Variants in GC observed in about 807,000 individuals in gnomAD.
The protein encoded by GC is GC vitamin D binding protein.
A neutral mutation model predicts 56.7 loss-of-function variants in GC; 43 were observed. That is an observed-to-expected ratio of 0.76 (90% CI 0.59 to 0.98). The LOEUF is 0.98. Ranked by LOEUF, GC falls within the 50% of genes least tolerant of loss-of-function variation. The probability of loss-of-function intolerance (pLI) is 0.00; values close to 1 mark genes in which losing one functional copy is unlikely to be tolerated. For missense variants in GC, 529 were observed against 545.9 expected (o/e 0.97, Z 0.31); for synonymous variants, 216 against 202.7 (o/e 1.07, Z -0.56).
chr4:71,766,985 G>T (rs1742177450), intron 3 of GC, among the ~76,000 whole-genome samples: 1 of 152,146 alleles, frequency 6.6e-6, no homozygotes, highest in Non-Finnish European at 1.5e-5. Context: ...ATCAAGGGAT[G>T]TATTAGCAAA....
At chr4:71,743,042 A>G (rs1322903022) in intron 12 of GC, among the ~76,000 whole-genome samples, 1 of 152,176 alleles carries the variant, frequency 6.6e-6, no homozygotes. Context: ...TGTGGCCACA[A>G]TCAATTTGGA....
chr4:71,769,766 C>A lies in GC; in HGVS notation c.59-366G>T, dbSNP rs531578819. 1.4e-4 allele frequency among the ~76,000 whole-genome samples: 21 copies of A among 152,234 alleles called. No homozygotes were observed. The East Asian group carries it at 2.1e-3, about 15-fold the overall frequency. On this transcript the variant is annotated intron_variant, in intron 1 of 12. Transcript: ENST00000273951. The stretch of plus-strand genomic sequence containing the variant: ...ATTTTTCTCCTTCCCTCCCTCCTTC[C>A]CACCCTGCTTCCTCCCTTCCTTCTT...
rs1445015114 is a variant in GC at position 71,784,036 on chromosome 4, T to C, written c.-18A>G. On this transcript the variant is annotated 5_prime_UTR_variant, in exon 1 of 13. Coordinates refer to ENST00000273951, the MANE Select transcript of GC (RefSeq NM_000583.4). Reference sequence around the variant, plus strand: ...CTCTTCATTTTTCTACCAGAGAGTCTTGCAGCACCTCCTCTCTCCTGTAGG... The same window carrying C: ...CTCTTCATTTTTCTACCAGAGAGTCCTGCAGCACCTCCTCTCTCCTGTAGG... The C allele has an allele frequency of 1.9e-6, 3 of 1,601,672 alleles. No homozygotes were observed.
intron 6 of GC, among the ~76,000 whole-genome samples, chr4:71,760,391 G>A (rs984275317): frequency 1.3e-5 from 2 of 151,910 alleles, no homozygotes; most frequent in Non-Finnish European, 2.9e-5. Flanking sequence ...AGCTTATTAT[G>A]CATTGCTGGC....
intron 5 of GC, 130 bp from the exon 6 acceptor site, chr4:71,763,632 T>G: frequency 1.3e-6 from 1 of 747,084 alleles, no homozygotes; most frequent in Non-Finnish European, 2.3e-6. Flanking sequence ...TGAAAGGAAC[T>G]TATTGATATT....
chr4:71,763,552 A>T lies in GC; in HGVS notation c.607-50T>A, dbSNP rs779372783. 4 of 1,136,912 alleles carry T rather than the reference A, an allele frequency of 3.5e-6. No homozygotes were observed. In the South Asian group the frequency reaches 4.0e-5, roughly 11 times the overall value. 70.4% of individuals were successfully genotyped at this position (1,136,912 alleles called of 1,614,324 possible). ...ATTATATGGTCAAGACTCATTGAAT[A>T]CTGTATAAATGGCAAAAATAGGGAC... On this transcript the variant is annotated intron_variant, in intron 5 of 12. Coordinates refer to ENST00000273951, the MANE Select transcript of GC (RefSeq NM_000583.4).
chr4:71,769,462 T>G, intron 1 of GC, 62 bp from the exon 2 acceptor site: 1 of 1,078,208 alleles, frequency 9.3e-7, no homozygotes, highest in Non-Finnish European at 1.4e-6. Flanking sequence ...ATGTTACATG[T>G]ACATGTATAA....
chr4:71,752,203 C>CTGT (rs1287064634), intron 11 of GC, among the ~76,000 whole-genome samples: 1 of 152,056 alleles, frequency 6.6e-6, no homozygotes, highest in East Asian at 1.9e-4. Flanking sequence ...TTTAAATAGG[C>CTGT]TGTTACTAGG....
upstream of GC, among the ~76,000 whole-genome samples, chr4:71,788,431 T>C (rs1378821893): frequency 3.3e-5 from 5 of 151,734 alleles, no homozygotes; most frequent in Non-Finnish European, 7.4e-5. Context: ...AAATAAAAAT[T>C]TGAGGAACAA....
chr4:71,792,448 T>C (rs1468793333), intron 1 of GC, among the ~76,000 whole-genome samples: 1 of 152,000 alleles, frequency 6.6e-6, no homozygotes, highest in Non-Finnish European at 1.5e-5. Flanking sequence ...GTTGACTGCA[T>C]GAATGTCTTC....
rs982876895 is a variant in GC at position 71,796,014 on chromosome 4, G to T, written c.21+7912C>A. On this transcript the variant is annotated intron_variant, in intron 1 of 13. Coordinates refer to the GC transcript ENST00000504199. ...CTCTTTTCTGGCTTGTAGAGTTTCT[G>T]CTGAGAGATCCGCTGTTAGTGTGAT... 1.1e-4 allele frequency among the ~76,000 whole-genome samples: 17 copies of T among 152,330 alleles called. No homozygotes were observed. The East Asian group carries it at 3.1e-3, about 28-fold the overall frequency.
At chr4:71,796,639 T>A (rs1743113395) in intron 1 of GC, among the ~76,000 whole-genome samples, 1 of 152,172 alleles carries the variant, frequency 6.6e-6, no homozygotes, top group Non-Finnish European at 1.5e-5. Flanking sequence ...AGTTTGTTAT[T>A]ACTGACCTTC....
upstream of GC, chr4:71,785,972 C>A (rs1344115969): frequency 6.6e-6 from 1 of 151,748 alleles, no homozygotes; most frequent in Admixed American, 6.6e-5. Flanking sequence ...TTAGTTCATT[C>A]AAAAAGACAC....
rs181872392 is a variant in GC at position 71,757,314 on chromosome 4, C to A, written c.832-400G>T. ...ATATAGGCAACAGAGTCCTATTTAGCCATTATAAATCCTTATAGAAAAGCA... is the reference window on the plus strand; with the variant it reads ...ATATAGGCAACAGAGTCCTATTTAGACATTATAAATCCTTATAGAAAAGCA... On this transcript the variant is annotated intron_variant, in intron 7 of 12. Transcript: ENST00000273951. Among the ~76,000 whole-genome samples the A allele has an allele frequency of 4.0e-4, 61 of 152,106 alleles. 2 individuals are homozygous for A. The East Asian group carries it at 0.011, about 28-fold the overall frequency.
At chr4:71,803,992 G>C in exon 1 of GC, 1 of 1,237,860 alleles carries the variant, frequency 8.1e-7, no homozygotes. Flanking sequence ...TGGTAGAATA[G>C]GTAGATATCA....
intron 6 of GC, among the ~76,000 whole-genome samples, chr4:71,763,171 T>C (rs192956975): frequency 5.7e-4 from 87 of 152,334 alleles, no homozygotes; most frequent in African/African-American, 1.9e-3. Flanking sequence ...GTCAACTATA[T>C]GGAAAAGATT....
At chr4:71,786,742 C>A (rs1414495697), upstream of GC, among the ~76,000 whole-genome samples, 1 of 151,834 alleles carries the variant, frequency 6.6e-6, no homozygotes, top group Non-Finnish European at 1.5e-5. Flanking sequence ...TAAAAGATAA[C>A]ACTGACAACT....
chr4:71,775,562 T>C (rs1491718), intron 1 of GC, among the ~76,000 whole-genome samples: 13,321 of 151,812 alleles, frequency 0.088, 665 homozygotes, highest in Non-Finnish European at 0.1. Flanking sequence ...CAAGAAAACA[T>C]AGGGGAAAAG....
At chr4:71,801,109 A>G (rs1164364174) in intron 1 of GC, among the ~76,000 whole-genome samples, 2 of 152,240 alleles carry the variant, frequency 1.3e-5, no homozygotes, top group Non-Finnish European at 2.9e-5. Context: ...TCCAGAAGAG[A>G]GAACTCTTAT....
Sources: gnomAD v4.1 joint callset for allele counts (sites outside exome capture counted in the v4.1 genomes callset) on GRCh38, gnomAD v4.1.1 for gene constraint, MANE v1.5 for transcripts, NCBI Gene and HGNC (gene_info 2026-07-23, HGNC 2026-07-21) for gene names.